PRELID2: variants seen among roughly 807,000 people sequenced by gnomAD.
PRELID2 encodes PRELI domain-containing protein 2.
Under a neutral mutation model 28.4 loss-of-function variants are expected in PRELID2, and 25 were observed. That is an observed-to-expected ratio of 0.88 (90% CI 0.64 to 1.23). PRELID2 has a LOEUF of 1.23. Among genes scored for constraint, PRELID2 ranks in the 50% most tolerant of loss-of-function variants. PRELID2 has a pLI of 0.00. For synonymous variants in PRELID2, 76 were observed against 71.6 expected (o/e 1.06, Z -0.31); for missense variants, 201 against 214.4 (o/e 0.94, Z 0.39).
At position 145,705,707 on chromosome 5, in the gene PRELID2, T is replaced by C. The variant is rs1755527792; in HGVS notation, n.70+59224A>G. Among the ~76,000 whole-genome samples, 3 of 152,260 alleles carry C rather than the reference T, an allele frequency of 2.0e-5. 1 individual carries two copies. In the South Asian group the frequency reaches 6.2e-4, roughly 32 times the overall value. ...TATGATACCTGTCACAACTAATCCA[T>C]TTTACTGTTGTTTTGAGGAAGCAGC... On this transcript the variant is annotated intron_variant and non_coding_transcript_variant, in intron 1 of 2. Transcript: ENST00000510259.
chr5:145,654,664 T>C lies in PRELID2; in HGVS notation n.70+110267A>G, dbSNP rs539640431. Among the ~76,000 whole-genome samples, 16 of 152,272 alleles carry C rather than the reference T, an allele frequency of 1.1e-4. No individual in the cohort carries two copies. In the South Asian group the frequency reaches 3.3e-3, roughly 32 times the overall value. On this transcript the variant is annotated intron_variant and non_coding_transcript_variant, in intron 1 of 2. Transcript: ENST00000510259. Reference sequence around the variant, plus strand: ...GACAAAAACCACATGATTATCTCAATAGATGCAGAAAAGGCCTTTGACAAA... The same window carrying C: ...GACAAAAACCACATGATTATCTCAACAGATGCAGAAAAGGCCTTTGACAAA...
chr5:145,799,945 T>C (rs1382608879), intron 4 of PRELID2, among the ~76,000 whole-genome samples: 1 of 152,200 alleles, frequency 6.6e-6, no homozygotes, highest in Non-Finnish European at 1.5e-5. Context: ...ATGAGTTCAA[T>C]GAGCATTTGT....
chr5:145,817,760 A>G (rs1304363933), intron 4 of PRELID2, 134 bp downstream of exon 4: 14 of 755,262 alleles, frequency 1.9e-5, no homozygotes, highest in Non-Finnish European at 3.7e-6. Flanking sequence ...TACTGTGATT[A>G]AAAAATTAAT....
the PRELID2 span, among the ~76,000 whole-genome samples, chr5:145,299,485 T>C: frequency 5.8e-4 from 89 of 152,250 alleles, 2 homozygotes; most frequent in East Asian, 9.4e-3. Context: ...ACCTTCAGCT[T>C]TGATTTTCCT....
chr5:145,383,835 C>G, the PRELID2 span, among the ~76,000 whole-genome samples: 1 of 151,910 alleles, frequency 6.6e-6, no homozygotes, highest in Non-Finnish European at 1.5e-5. Context: ...TGCACATACA[C>G]ACACACATAC....
the PRELID2 span, among the ~76,000 whole-genome samples, chr5:145,308,363 C>T: frequency 9.8e-5 from 15 of 152,316 alleles, no homozygotes; most frequent in African/African-American, 2.9e-4. Flanking sequence ...TCTGCTGTAA[C>T]GATCACTTTG....
chr5:145,307,335 A>C, the PRELID2 span, among the ~76,000 whole-genome samples: 1 of 152,186 alleles, frequency 6.6e-6, no homozygotes, highest in Non-Finnish European at 1.5e-5. Flanking sequence ...AGGTGGCCAG[A>C]ATCTCTCCAT....
intron 1 of PRELID2, among the ~76,000 whole-genome samples, chr5:145,719,039 T>C (rs909448070): frequency 6.6e-6 from 1 of 152,026 alleles, no homozygotes; most frequent in African/African-American, 2.4e-5. Context: ...AGGATAATGA[T>C]GGCCATCTAA....
At chr5:145,275,472 G>C in the PRELID2 span, among the ~76,000 whole-genome samples, 1 of 152,010 alleles carries the variant, frequency 6.6e-6, no homozygotes, top group Non-Finnish European at 1.5e-5. Flanking sequence ...AAAAGGACAC[G>C]AGTGACCCAA....
the PRELID2 span, among the ~76,000 whole-genome samples, chr5:145,260,083 C>G: frequency 6.6e-6 from 1 of 152,128 alleles, no homozygotes. Context: ...CTTTCTTGCT[C>G]CTGTTCCTGC....
At chr5:145,657,502 G>A (rs1441541659) in intron 1 of PRELID2, among the ~76,000 whole-genome samples, 1 of 152,052 alleles carries the variant, frequency 6.6e-6, no homozygotes, top group Non-Finnish European at 1.5e-5. Flanking sequence ...TGGCTAACAT[G>A]GAAAAAGCCT....
In PRELID2 at chr5:145,807,213, G is replaced by A. The variant is rs111314417; in HGVS notation, c.369-10666C>T. Among the ~76,000 whole-genome samples the A allele has an allele frequency of 8.5e-5, 13 of 152,212 alleles. 1 individual carries two copies. The highest frequency in any genetic ancestry group is 4.2e-4 in the South Asian group (2 of 4,806). On this transcript the variant is annotated intron_variant, in intron 4 of 6. Transcript: ENST00000683046. ...ATCTTATGGTACCACCTTAATATAT[G>A]CGGTCTGCCATAGACTGAAATGTTG...
chr5:145,650,011 G>A (rs1039803896), intron 1 of PRELID2, among the ~76,000 whole-genome samples: 5 of 152,112 alleles, frequency 3.3e-5, no homozygotes. Context: ...CTGAGACTCT[G>A]AAGGATGTTA....
chr5:145,337,570 C>T, the PRELID2 span, among the ~76,000 whole-genome samples: 1 of 151,620 alleles, frequency 6.6e-6, no homozygotes, highest in South Asian at 2.1e-4. Context: ...CTCCTCAGGT[C>T]CATTTGATTT....
chr5:145,762,475 T>C (rs1757521505), intron 6 of PRELID2, among the ~76,000 whole-genome samples: 1 of 151,784 alleles, frequency 6.6e-6, no homozygotes. Context: ...AGGTCAAGGC[T>C]ATGGTGAGCC....
intron 1 of PRELID2, among the ~76,000 whole-genome samples, chr5:145,618,784 T>C (rs1645210663): frequency 6.6e-6 from 1 of 151,996 alleles, no homozygotes; most frequent in African/African-American, 2.4e-5. Flanking sequence ...TCAGGGTGGG[T>C]AGGGAAGGAC....
the PRELID2 span, among the ~76,000 whole-genome samples, chr5:145,440,623 A>G: frequency 4.6e-5 from 7 of 152,140 alleles, no homozygotes; most frequent in African/African-American, 1.7e-4. Context: ...TATTTCTGTT[A>G]ATGGGCTTAA....
At chr5:145,687,856 T>C (rs980013419) in intron 1 of PRELID2, among the ~76,000 whole-genome samples, 1 of 152,230 alleles carries the variant, frequency 6.6e-6, no homozygotes, top group Admixed American at 6.5e-5. Context: ...GTCAGTGCTA[T>C]TAGTCCCATT....
the PRELID2 span, among the ~76,000 whole-genome samples, chr5:145,372,590 C>G: frequency 6.6e-6 from 1 of 151,834 alleles, no homozygotes; most frequent in Non-Finnish European, 1.5e-5. Context: ...GTTCCCTTTA[C>G]CATTGTGTAA....
Sources: gnomAD v4.1 joint callset for allele counts (sites outside exome capture counted in the v4.1 genomes callset) on GRCh38, gnomAD v4.1.1 for gene constraint, MANE v1.5 for transcripts, NCBI Gene and HGNC (gene_info 2026-07-23, HGNC 2026-07-21) for gene names.